Variants in ETAA1 observed in about 807,000 individuals in gnomAD.
The protein encoded by ETAA1 is ETAA1 activator of ATR kinase, also known as ewing's tumor-associated antigen 1.
In ETAA1, 49 loss-of-function variants were observed where a neutral mutation model predicts 76.8. That is an observed-to-expected ratio of 0.64 (90% confidence interval 0.51 to 0.81). ETAA1 has a LOEUF of 0.81. ETAA1 is among the 30% of genes least tolerant of loss of function. The probability of loss-of-function intolerance (pLI) is 0.00; values close to 1 mark genes in which losing one functional copy is unlikely to be tolerated. For missense variants in ETAA1, 1,099 were observed against 1,074.0 expected (o/e 1.02, Z -0.32); for synonymous variants, 373 against 372.2 (o/e 1.00, Z -0.03).
rs1676344494 is a variant in ETAA1, at chr2:67,410,481, TAATA to T, written c.*444_*447del. The T allele has an allele frequency of 6.6e-6, 1 of 152,478 alleles. No homozygotes were observed. 9.4% of individuals were successfully genotyped at this position (152,478 alleles called of 1,614,324 possible). ...TTTTTATACACTTCCAGATTTTAATTAATACTTTCATATTTCTAGGAACATGGTT... is the reference window on the plus strand; with the variant it reads ...TTTTTATACACTTCCAGATTTTAATTCTTTCATATTTCTAGGAACATGGTT... On this transcript the variant is annotated 3_prime_UTR_variant, in exon 6 of 6. Coordinates refer to ENST00000272342, the MANE Select transcript of ETAA1 (RefSeq NM_019002.4).
chr2:67,402,884 C>G lies in ETAA1; in HGVS notation c.452C>G (p.Ser151Cys). ...APQDEKPTTN[S>C]MLDMWIGETA... The stretch of plus-strand genomic sequence containing the variant: ...AAGGATGAAAAACCAACAACAAATT[C>G]TATGCTGGACATGTGGATTGGTGAA... The change falls in exon 4 of 6, where the codon TCT becomes TGT. Residue 151 changes from serine (S) to cysteine (C), a missense_variant. By Grantham distance (112) the Ser-to-Cys change is moderately radical. Around this residue, in one of 3 missense-constraint regions of ETAA1, gnomAD observed 761 missense variants for 731.9 expected, o/e 1.04. Transcript: ENST00000272342. 3 of 1,592,834 alleles carry G rather than the reference C, an allele frequency of 1.9e-6. 1 individual carries two copies. In the Middle Eastern group the frequency reaches 5.0e-4, roughly 266 times the overall value.
rs1228621615 is a variant in ETAA1, at chr2:67,403,283, A to T, written c.601A>T (p.Asn201Tyr). 1 of 1,594,776 alleles carries T rather than the reference A, an allele frequency of 6.3e-7. No homozygotes were observed. The highest frequency in any genetic ancestry group is 8.5e-7 in the Non-Finnish European group (1 of 1,173,676). ...LMKLAKQFDK[N>Y]MEELDVIQEQ... is the part of the protein sequence containing the mutation. ...GAAACTGGCTAAACAATTTGATAAA[A>T]ATATGGAAGAGCTAGATGTGATTCA... The change falls in exon 5 of 6, where the codon AAT becomes TAT. Residue 201 changes from asparagine to tyrosine, a missense_variant. By Grantham distance (143) the Asn-to-Tyr change is moderately radical (BLOSUM62 -2). Coordinates refer to ENST00000272342, the MANE Select transcript of ETAA1 (RefSeq NM_019002.4).
chr2:67,399,990 G>A (rs1373331552), intron 3 of ETAA1, among the ~76,000 whole-genome samples: 1 of 152,152 alleles, frequency 6.6e-6, no homozygotes, highest in Non-Finnish European at 1.5e-5. Context: ...ATTGTTTTGT[G>A]ATTGGTACTT....
chr2:67,399,111 C>G (rs1675983771), intron 1 of ETAA1, 58 bp from the exon 2 acceptor site: 5 of 1,498,474 alleles, frequency 3.3e-6, no homozygotes, highest in East Asian at 2.4e-5. Flanking sequence ...TGGGGTCTTA[C>G]GAAGTAAGGT....
intron 5 of ETAA1, among the ~76,000 whole-genome samples, chr2:67,408,788 T>C (rs1210503863): frequency 6.6e-6 from 1 of 152,178 alleles, no homozygotes; most frequent in African/African-American, 2.4e-5. Context: ...TTATGTTTTC[T>C]GCTGTTACAG....
At position 67,404,035 on chromosome 2, in the gene ETAA1, A is replaced by G. The variant is rs903021491; in HGVS notation, c.1353A>G (p.Thr451=). The G allele has an allele frequency of 6.2e-7, 1 of 1,607,868 alleles. No homozygotes were observed. Among genetic ancestry groups the G allele is most frequent in the Admixed American group, 1.7e-5 (1 of 58,606 alleles). ...SKVLQDLSSK[T]YDRELIDAEY... ...TATTACAAGATCTTTCTTCAAAGAC[A>G]TATGACAGAGAATTAATAGATGCAG... Residue 451 remains threonine (T), a synonymous_variant, in exon 5 of 6, where the codon ACA becomes ACG. Transcript: ENST00000272342.
chr2:67,399,988 G>T (rs188439177), intron 3 of ETAA1, among the ~76,000 whole-genome samples: 82 of 152,230 alleles, frequency 5.4e-4, no homozygotes, highest in African/African-American at 1.8e-3. Context: ...TGATTGTTTT[G>T]TGATTGGTAC....
In ETAA1 at chr2:67,410,069, C is replaced by T. The variant is rs767472859; in HGVS notation, c.*31C>T. 5 of 1,575,420 alleles carry T rather than the reference C, an allele frequency of 3.2e-6. No individual in the cohort carries two copies. The highest frequency in any genetic ancestry group is 1.7e-4 in the Middle Eastern group (1 of 5,986). On this transcript the variant is annotated 3_prime_UTR_variant, in exon 6 of 6. Coordinates refer to ENST00000272342, the MANE Select transcript of ETAA1 (RefSeq NM_019002.4). ...TATTAGTTGGAAGACTTCACGAAGA[C>T]TGCTGATAACTATCTGTGATTGATA...
In ETAA1 at chr2:67,404,284, TA is replaced by T. The variant is rs1407742911; in HGVS notation, c.1604del (p.Lys535SerfsTer4). 3.1e-6 allele frequency: 5 copies of T among 1,611,998 alleles called. No homozygotes were observed. Among genetic ancestry groups the T allele is most frequent in the Non-Finnish European group, 4.2e-6 (5 of 1,179,116 alleles). On this transcript the variant is annotated frameshift_variant, in exon 5 of 6. Coordinates refer to ENST00000272342, the MANE Select transcript of ETAA1 (RefSeq NM_019002.4). LOFTEE classifies it high-confidence loss of function. ...NTRYSNEQKNKCILNQSIKAP... is the reference protein window; with the variant it reads ...NTRYSNEQKNXCILNQSIKAP... ...CAAGGTATTCTAATGAACAGAAAAATAAGTGCATTTTAAATCAGTCTATTAA... is the reference window on the plus strand; with the variant it reads ...CAAGGTATTCTAATGAACAGAAAAATAGTGCATTTTAAATCAGTCTATTAA...
intron 3 of ETAA1, chr2:67,400,207 T>A (rs1294976827): frequency 6.6e-6 from 1 of 152,348 alleles, no homozygotes; most frequent in Non-Finnish European, 1.5e-5. Context: ...GCTCTTGCTG[T>A]CTTCATTGGA....
Position 67,399,616 on chromosome 2 carries a change from T to A in ETAA1, c.419T>A (p.Ile140Asn). The A allele has an allele frequency of 6.2e-7, 1 of 1,604,842 alleles. No individual in the cohort carries two copies. Among genetic ancestry groups the A allele is most frequent in the Non-Finnish European group, 8.5e-7 (1 of 1,173,490 alleles). ...GAGATTTCACATATTGTTAATCGTA[T>A]TGCTCCTCAGGTAAATATCACTAGT... ...SDEISHIVNR[I>N]APQDEKPTTN... The change falls in exon 3 of 6, where the codon ATT becomes AAT. Residue 140 changes from isoleucine to asparagine, a missense_variant. Around this residue, in one of 3 missense-constraint regions of ETAA1, gnomAD observed 761 missense variants for 731.9 expected, o/e 1.04. Transcript: ENST00000272342.
At chr2:67,399,046 C>T in intron 1 of ETAA1, 123 bp from the exon 2 acceptor site, 1 of 878,762 alleles carries the variant, frequency 1.1e-6, no homozygotes, top group African/African-American at 1.7e-5. Flanking sequence ...AGGTAATTAT[C>T]TCTGGGAAAA....
Position 67,397,516 on chromosome 2 carries a change from C to T in ETAA1, c.68C>T (p.Ala23Val), listed in dbSNP as rs868352821. The change falls in exon 1 of 6, where the codon GCG becomes GTG. Residue 23 changes from alanine (A) to valine (V), a missense_variant. Ala to Val is a moderately conservative substitution (Grantham distance 64, BLOSUM62 0). Transcript: ENST00000272342. ...PKKTPHKTVA[A>V]EECGSVVEPG... is the part of the protein sequence containing the mutation. ...AAAACGCCGCACAAAACAGTGGCGG[C>T]GGAGGAATGCGGCTCGGTGGTCGAG... The T allele has an allele frequency of 1.9e-6, 3 of 1,596,752 alleles. No individual in the cohort carries two copies. The highest frequency in any genetic ancestry group is 2.3e-5 in the East Asian group (1 of 44,058).
chr2:67,399,089 G>C lies in ETAA1; in HGVS notation c.224-80G>C, dbSNP rs979646616. ...TCTTGGACTATAAAAGTTAGTCTCA[G>C]CTATTTGACCTTGGGGTCTTACGAA... is the stretch of plus-strand genomic sequence containing the variant. On this transcript the variant is annotated intron_variant, in intron 1 of 5. Transcript: ENST00000272342. 3 of 1,278,920 alleles carry C rather than the reference G, an allele frequency of 2.3e-6. No homozygotes were observed. The African/African-American group carries it at 4.6e-5, about 20-fold the overall frequency. 79.2% of individuals were successfully genotyped at this position (1,278,920 alleles called of 1,614,324 possible). A position where few individuals can be genotyped will look rare whatever the true frequency, so the allele number is the denominator to read the frequency against.
At chr2:67,405,815 G>A (rs771768196) in intron 5 of ETAA1, among the ~76,000 whole-genome samples, 2 of 151,908 alleles carry the variant, frequency 1.3e-5, no homozygotes, top group African/African-American at 2.4e-5. Context: ...ACGTGCTAGC[G>A]GTGATGGTTA....
rs1676112869 is a variant in ETAA1, at chr2:67,403,466, T to C, written c.784T>C (p.Ser262Pro). 1.9e-6 allele frequency: 3 copies of C among 1,613,244 alleles called. No individual in the cohort carries two copies. Among genetic ancestry groups the C allele is most frequent in the Non-Finnish European group, 2.5e-6 (3 of 1,179,432 alleles). ...KKPIKGNTKI[S>P]VANNQNSSQK... ...GCCAATCAAAGGAAACACCAAGATA[T>C]CTGTGGCAAATAATCAAAATAGCAG... Residue 262 changes from serine (S) to proline (P), a missense_variant, in exon 5 of 6, where the codon TCT (serine) becomes CCT (proline). Ser to Pro is a moderately conservative substitution (Grantham distance 74). Around this residue, in one of 3 missense-constraint regions of ETAA1, gnomAD observed 761 missense variants for 731.9 expected, o/e 1.04. Transcript: ENST00000272342.
At position 67,403,798 on chromosome 2, in the gene ETAA1, T is replaced by A. The variant is rs1381449421; in HGVS notation, c.1116T>A (p.Asp372Glu). 6.2e-7 allele frequency: 1 copy of A among 1,613,272 alleles called. No homozygotes were observed. Among genetic ancestry groups the A allele is most frequent in the Non-Finnish European group, 8.5e-7 (1 of 1,179,476 alleles). ...CAGAAACTTCTAATAAGTACATTGA[T>A]GCATTTACTACAAGTGATTTTGAGG... ...KEPETSNKYI[D>E]AFTTSDFEDD... Residue 372 changes from aspartate to glutamate, a missense_variant, in exon 5 of 6, where the codon GAT becomes GAA. Around this residue, in one of 3 missense-constraint regions of ETAA1, gnomAD observed 761 missense variants for 731.9 expected, o/e 1.04. Transcript: ENST00000272342.
intron 1 of ETAA1, 121 bp downstream of exon 1, chr2:67,397,792 AC>A (rs1675923429): frequency 9.8e-7 from 1 of 1,018,502 alleles, no homozygotes; most frequent in African/African-American, 1.6e-5. Context: ...TCTGGGATTC[AC>A]CCCTCGAGAG....
In ETAA1 at chr2:67,404,686, C is replaced by T. The variant is rs960392365; in HGVS notation, c.2004C>T (p.Ile668=). ...DSKTSESICE[I]NNNSEHGAKN... is the part of the protein sequence containing the mutation. ...AGACATCAGAAAGTATATGTGAGAT[C>T]AATAATAATTCCGAACATGGAGCCA... The change falls in exon 5 of 6, where the codon ATC becomes ATT. Residue 668 remains isoleucine (I), a synonymous_variant. Coordinates refer to ENST00000272342, the MANE Select transcript of ETAA1 (RefSeq NM_019002.4). The T allele has an allele frequency of 6.2e-7, 1 of 1,612,898 alleles. No individual in the cohort carries two copies. The highest frequency in any genetic ancestry group is 1.7e-5 in the Admixed American group (1 of 59,898).
Sources: allele counts gnomAD v4.1 joint callset (sites outside exome capture counted in the v4.1 genomes callset), GRCh38; gene constraint gnomAD v4.1.1; regional missense constraint gnomAD v4.1.1; transcripts MANE v1.5; gene names NCBI Gene and HGNC (gene_info 2026-07-23, HGNC 2026-07-21).